ATMIN: variants seen among roughly 807,000 people sequenced by gnomAD.
ATMIN encodes the protein ATM INteracting protein.
In ATMIN, 24 loss-of-function variants were observed where a neutral mutation model predicts 49.2. That is an observed-to-expected ratio of 0.49 (90% CI 0.35 to 0.69). The LOEUF is 0.69. Among genes scored for constraint, ATMIN ranks in the 30% least tolerant of loss-of-function variants. The pLI, the probability that ATMIN is intolerant of heterozygous loss-of-function variation, is 0.00. For missense variants in ATMIN, 1,037 were observed against 1,005.5 expected (o/e 1.03, Z -0.42); for synonymous variants, 450 against 392.5 (o/e 1.15, Z -1.73).
intron 1 of ATMIN, among the ~76,000 whole-genome samples, chr16:81,036,584 A>G (rs1364105930): frequency 6.6e-6 from 1 of 152,212 alleles, no homozygotes; most frequent in South Asian, 2.1e-4. Flanking sequence ...TGAGAAACAG[A>G]TTATGCAACC....
rs756028893 is a variant in ATMIN, at chr16:81,044,135, T to G, written c.1637T>G (p.Leu546Trp). ...SLVAETVTHS[L>W]LPQNEPKTLN... is the part of the protein sequence containing the mutation. ...GTAGCAGAGACAGTAACTCATAGTT[T>G]GTTACCTCAGAATGAGCCTAAGACT... The change falls in exon 4 of 4, where the codon TTG (leucine) becomes TGG (tryptophan). Residue 546 changes from leucine to tryptophan, a missense_variant. Coordinates refer to ENST00000299575, the MANE Select transcript of ATMIN (RefSeq NM_015251.3). 3.7e-6 allele frequency: 6 copies of G among 1,614,098 alleles called. No homozygotes were observed. Among genetic ancestry groups the G allele is most frequent in the Non-Finnish European group, 5.1e-6 (6 of 1,180,036 alleles).
rs527421210 is a variant in ATMIN at position 81,047,324 on chromosome 16, A to G, written c.*2354A>G. On this transcript the variant is annotated 3_prime_UTR_variant, in exon 4 of 4. Transcript: ENST00000299575. ...TCACTCATTGTCTTTTGAAAGCCAT[A>G]TGATAAAATGATTTTATTTAATAAT... The G allele has an allele frequency of 6.6e-6, 1 of 152,330 alleles. No individual in the cohort carries two copies. Among genetic ancestry groups the G allele is most frequent in the Admixed American group, 6.5e-5 (1 of 15,304 alleles). The allele number at this position is 152,330 out of a possible 1,614,324, so 9.4% of individuals were successfully genotyped here. A position where few individuals can be genotyped will look rare whatever the true frequency, so the allele number is the denominator to read the frequency against.
rs1170538611 is a variant in ATMIN at position 81,041,192 on chromosome 16, TTAATC to T, written c.337-161_337-157del. 3 of 666,892 alleles carry T rather than the reference TTAATC, an allele frequency of 4.5e-6. No homozygotes were observed. In the African/African-American group the frequency reaches 5.5e-5, roughly 12 times the overall value. 41.3% of individuals were successfully genotyped at this position (666,892 alleles called of 1,614,324 possible). A position where few individuals can be genotyped will look rare whatever the true frequency, so the allele number is the denominator to read the frequency against. ...GCTTAGTATTCTCACCACATTTCGT[TTAATC>T]TACTCATACTCTTTTTCTCTTACTG... On this transcript the variant is annotated intron_variant, in intron 1 of 3. Coordinates refer to ENST00000299575, the MANE Select transcript of ATMIN (RefSeq NM_015251.3).
intron 1 of ATMIN, chr16:81,037,174 C>T (rs1567562556): frequency 2.0e-6 from 2 of 985,362 alleles, no homozygotes; most frequent in Non-Finnish European, 2.4e-6. Context: ...GGCAAGTTTC[C>T]TTCCACCACT....
At chr16:81,037,618 C>T (rs2549889) in intron 1 of ATMIN, 558,738 of 578,934 alleles carry the variant, frequency 0.97, 269,754 homozygotes, top group East Asian at 1. Context: ...AAATCCTTTT[C>T]TTCCCTATTG....
rs1181260840 is a variant in ATMIN at position 81,045,703 on chromosome 16, TGTG to T, written c.*738_*740del. The stretch of plus-strand genomic sequence containing the variant: ...GCTAGGGAAGCAGCAGCGGGCCAGG[TGTG>T]GTGGCTTACCCCTGTAATCCCAGCA... On this transcript the variant is annotated 3_prime_UTR_variant, in exon 4 of 4. Coordinates refer to ENST00000299575, the MANE Select transcript of ATMIN (RefSeq NM_015251.3). 6.6e-6 allele frequency: 1 copy of T among 152,228 alleles called. No individual in the cohort carries two copies. The highest frequency in any genetic ancestry group is 1.5e-5 in the Non-Finnish European group (1 of 68,128). The allele number at this position is 152,228 out of a possible 1,614,324, so 9.4% of individuals were successfully genotyped here.
In ATMIN at chr16:81,043,696, G is replaced by T. The variant is rs747520383; in HGVS notation, c.1198G>T (p.Gly400Trp). The T allele has an allele frequency of 4.8e-5, 78 of 1,614,100 alleles. No homozygotes were observed. The highest frequency in any genetic ancestry group is 6.4e-5 in the Non-Finnish European group (76 of 1,180,048). ...KSPSNPLQEL[G>W]NTCQKNSISS... ...TCCATCTAATCCTTTACAAGAACTA[G>T]GGAACACGTGTCAAAAGAATAGCAT... The change falls in exon 4 of 4, where the codon GGG (glycine) becomes TGG (tryptophan). Residue 400 changes from glycine to tryptophan, a missense_variant. By Grantham distance (184) the Gly-to-Trp change is radical. Coordinates refer to ENST00000299575, the MANE Select transcript of ATMIN (RefSeq NM_015251.3).
rs111803793 is a variant in ATMIN at position 81,036,451 on chromosome 16, C to T, written c.336+245C>T. ...CGGGTCCGCCGTACGCGCCAGTTCC[C>T]TGGTTCCCTGGCTCCCTGGCCCCGA... On this transcript the variant is annotated intron_variant, in intron 1 of 3. Coordinates refer to ENST00000299575, the MANE Select transcript of ATMIN (RefSeq NM_015251.3). 5.2e-3 allele frequency among the ~76,000 whole-genome samples: 791 copies of T among 152,336 alleles called. 1 individual carries two copies. Among genetic ancestry groups the T allele is most frequent in the Middle Eastern group, 0.017 (5 of 292 alleles).
chr16:81,036,231 C>CG, intron 1 of ATMIN, 25 bp downstream of exon 1: 5 of 1,355,006 alleles, frequency 3.7e-6, no homozygotes, highest in South Asian at 2.9e-5. Flanking sequence ...GCCGGCGGCC[C>CG]GGGGGGCCGG....
In ATMIN at chr16:81,035,950, C is replaced by G. The variant is rs1307067491; in HGVS notation, c.80C>G (p.Thr27Arg). ...GCCCGGGCCGTCCCGGCGGCCACGACAGGAGCCGCCGCCGCCGCCTCGGGC... is the reference window on the plus strand; with the variant it reads ...GCCCGGGCCGTCCCGGCGGCCACGAGAGGAGCCGCCGCCGCCGCCTCGGGC... ...AGARAVPAAT[T>R]GAAAAASGPW... The change falls in exon 1 of 4, where the codon ACA becomes AGA. Residue 27 changes from threonine to arginine, a missense_variant. Coordinates refer to ENST00000299575, the MANE Select transcript of ATMIN (RefSeq NM_015251.3). The G allele has an allele frequency of 3.1e-5, 32 of 1,016,472 alleles. 1 individual carries two copies. The South Asian group carries it at 7.1e-4, about 23-fold the overall frequency. 63.0% of individuals were successfully genotyped at this position (1,016,472 alleles called of 1,614,324 possible). A position where few individuals can be genotyped will look rare whatever the true frequency, so the allele number is the denominator to read the frequency against.
At position 81,043,672 on chromosome 16, in the gene ATMIN, C is replaced by A; in HGVS notation, c.1174C>A (p.Pro392Thr). 6.2e-7 allele frequency: 1 copy of A among 1,614,156 alleles called. No homozygotes were observed. Among genetic ancestry groups the A allele is most frequent in the Admixed American group, 1.7e-5 (1 of 60,006 alleles). The change falls in exon 4 of 4, where the codon CCA (proline) becomes ACA (threonine). Residue 392 changes from proline (P) to threonine (T), a missense_variant. By Grantham distance (38) the Pro-to-Thr change is conservative. Coordinates refer to ENST00000299575, the MANE Select transcript of ATMIN (RefSeq NM_015251.3). The stretch of plus-strand genomic sequence containing the variant: ...TGTTCAAGTGAACTTTGGTAAAAGT[C>A]CATCTAATCCTTTACAAGAACTAGG... Reference protein sequence around the residue: ...TGVQVNFGKSPSNPLQELGNT... With the variant: ...TGVQVNFGKSTSNPLQELGNT...
At chr16:81,037,689 G>T (rs996665187) in intron 1 of ATMIN, among the ~76,000 whole-genome samples, 7 of 152,098 alleles carry the variant, frequency 4.6e-5, no homozygotes, top group African/African-American at 1.4e-4. Flanking sequence ...AGGCTGGAGC[G>T]CAGTGGCGCC....
rs1251032892 is a variant in ATMIN, at chr16:81,042,269, C to T, written c.463-12C>T. ...CTGTTTTTCACCTTAGTCCCTTCTG[C>T]GTTCCTCCTAGCACTTTATGAAAAT... On this transcript the variant is annotated splice_polypyrimidine_tract_variant and intron_variant, in intron 2 of 3. Coordinates refer to ENST00000299575, the MANE Select transcript of ATMIN (RefSeq NM_015251.3). 16 of 1,611,848 alleles carry T rather than the reference C, an allele frequency of 9.9e-6. No individual in the cohort carries two copies. Among genetic ancestry groups the T allele is most frequent in the African/African-American group, 1.3e-5 (1 of 74,976 alleles).
At position 81,044,482 on chromosome 16, in the gene ATMIN, G is replaced by C; in HGVS notation, c.1984G>C (p.Glu662Gln). 1 of 1,614,024 alleles carries C rather than the reference G, an allele frequency of 6.2e-7. No individual in the cohort carries two copies. Among genetic ancestry groups the C allele is most frequent in the Non-Finnish European group, 8.5e-7 (1 of 1,180,016 alleles). The change falls in exon 4 of 4, where the codon GAG becomes CAG. Residue 662 changes from glutamate (E) to glutamine (Q), a missense_variant. Transcript: ENST00000299575. ...GAGTGAACTTAGCACCATGACCACC[G>C]AGCCAGTCTTGGAGTCACTGGACAT... ...EESELSTMTT[E>Q]PVLESLDIET... is the part of the protein sequence containing the mutation.
chr16:81,043,929 T>C lies in ATMIN; in HGVS notation c.1431T>C (p.Asp477=), dbSNP rs1173744593. Reference sequence around the variant, plus strand: ...CTTCATCTATAGCTGCTCAGACTGATGCATTTATGGACACCTGTTTCCAGT... The same window carrying C: ...CTTCATCTATAGCTGCTCAGACTGACGCATTTATGGACACCTGTTTCCAGT... The part of the protein sequence containing the change: ...KVTSSIAAQT[D]AFMDTCFQSG... The change falls in exon 4 of 4, where the codon GAT becomes GAC. Residue 477 remains aspartate (D), a synonymous_variant. Transcript: ENST00000299575. 2 of 1,614,218 alleles carry C rather than the reference T, an allele frequency of 1.2e-6. No homozygotes were observed. The highest frequency in any genetic ancestry group is 4.5e-5 in the East Asian group (2 of 44,890).
intron 2 of ATMIN, 113 bp downstream of exon 2, chr16:81,041,594 C>G: frequency 7.3e-7 from 1 of 1,361,370 alleles, no homozygotes; most frequent in Non-Finnish European, 1.0e-6. Flanking sequence ...AGGGGAGATG[C>G]CTGCGTGTCT....
chr16:81,040,273 G>A (rs1235094642), intron 1 of ATMIN, among the ~76,000 whole-genome samples: 1 of 151,962 alleles, frequency 6.6e-6, no homozygotes, highest in African/African-American at 2.4e-5. Flanking sequence ...TCCTACCCTT[G>A]AGCTTATTCT....
intron 2 of ATMIN, among the ~76,000 whole-genome samples, chr16:81,042,028 G>A (rs989626174): frequency 1.3e-5 from 2 of 152,188 alleles, no homozygotes; most frequent in East Asian, 1.9e-4. Context: ...ACAGATCAGA[G>A]TGTAAATGCT....
At chr16:81,037,487 A>C (rs1970960015) in intron 1 of ATMIN, 1 of 985,478 alleles carries the variant, frequency 1.0e-6, no homozygotes, top group East Asian at 1.1e-4. Flanking sequence ...TATGCTGAGG[A>C]AGACCGTGCA....
Sources: gnomAD v4.1 joint callset for allele counts (sites outside exome capture counted in the v4.1 genomes callset) on GRCh38, gnomAD v4.1.1 for gene constraint, MANE v1.5 for transcripts, NCBI Gene and HGNC (gene_info 2026-07-23, HGNC 2026-07-21) for gene names.